PLCH2: variants seen among roughly 807,000 people sequenced by gnomAD.
PLCH2 encodes the protein 1-phosphatidylinositol 4,5-bisphosphate phosphodiesterase eta-2.
A neutral mutation model predicts 134.7 loss-of-function variants in PLCH2; 98 were observed. The observed-to-expected ratio is 0.73, with a 90% CI of 0.62 to 0.86. PLCH2 has a LOEUF of 0.86. Ranked by LOEUF, PLCH2 falls within the 40% of genes least tolerant of loss-of-function variation. PLCH2 has a pLI of 0.00. For synonymous variants in PLCH2, 974 were observed against 827.5 expected, an observed-to-expected ratio of 1.18 and a Z score of -3.04; for missense variants, 1,994 against 1,986.6, an observed-to-expected ratio of 1.00 and a Z score of -0.07.
the PLCH2 span, among the ~76,000 whole-genome samples, chr1:2,418,172 C>T: frequency 1.6e-4 from 25 of 152,192 alleles, no homozygotes; most frequent in African/African-American, 4.3e-4. Context: ...GCAGAGCCCA[C>T]GTTGCTCTGT....
In PLCH2 at chr1:2,496,915, A is replaced by C. The variant is rs765843451; in HGVS notation, c.2021A>C (p.Asn674Thr). ...AAGCCGGCGCAGTACCTACGCTTCA[A>C]CCAGCAGCAGCTCTCCCGCATCTAC... ...QQKPAQYLRF[N>T]QQQLSRIYPS... The change falls in exon 15 of 22, where the codon AAC becomes ACC. Residue 674 changes from asparagine (N) to threonine (T), a missense_variant. This residue lies in a region of PLCH2 where 1,094 missense variants were observed against 1,234.3 expected (regional missense o/e 0.89). Coordinates refer to ENST00000378486, the MANE Select transcript of PLCH2 (RefSeq NM_014638.4). The C allele has an allele frequency of 6.2e-7, 1 of 1,613,222 alleles. No individual in the cohort carries two copies. Among genetic ancestry groups the C allele is most frequent in the Non-Finnish European group, 8.5e-7 (1 of 1,179,864 alleles).
chr1:2,461,428 G>A (rs1640796121), intron 2 of PLCH2, among the ~76,000 whole-genome samples: 1 of 152,186 alleles, frequency 6.6e-6, no homozygotes. Context: ...TGCTAGCAGG[G>A]CGGGCTGAGC....
intron 1 of PLCH2, among the ~76,000 whole-genome samples, chr1:2,477,354 C>A (rs895920344): frequency 1.3e-5 from 2 of 152,156 alleles, no homozygotes; most frequent in African/African-American, 4.8e-5. Context: ...GAGCCCAGCC[C>A]CCCATGCCAT....
rs141895666 is a variant in PLCH2, at chr1:2,492,868, C to T, written c.1659+1533C>T. Among the ~76,000 whole-genome samples, 4 of 152,212 alleles carry T rather than the reference C, an allele frequency of 2.6e-5. No homozygotes were observed. In the East Asian group the frequency reaches 5.8e-4, roughly 22 times the overall value. On this transcript the variant is annotated intron_variant, in intron 11 of 21. Coordinates refer to ENST00000378486, the MANE Select transcript of PLCH2 (RefSeq NM_014638.4). ...CCTCTACTCACGAGTCCCTGAGGCC[C>T]GGGGGCAGCAGGAATGGGTATCTTG... is the stretch of plus-strand genomic sequence containing the variant.
intron 20 of PLCH2, 88 bp downstream of exon 20, chr1:2,499,808 G>A: frequency 5.7e-6 from 6 of 1,053,344 alleles, no homozygotes; most frequent in Non-Finnish European, 8.6e-6. Context: ...CCCAGTGCTG[G>A]GTCCTGAACT....
chr1:2,502,409 G>A lies in PLCH2; in HGVS notation c.2959G>A (p.Asp987Asn), dbSNP rs1049795004. The change falls in exon 21 of 22, where the codon GAC (aspartate) becomes AAC (asparagine). Residue 987 changes from aspartate to asparagine, a missense_variant and splice_region_variant. Coordinates refer to ENST00000378486, the MANE Select transcript of PLCH2 (RefSeq NM_014638.4). ...QEGPGSGSPR[D>N]TRPLSTQRPL... ...GGGGCCCGGCAGCGGCAGCCCCCGA[G>A]GTAAGGCGCCAGCTGCGGTGGCAGA... 30 of 1,544,118 alleles carry A rather than the reference G, an allele frequency of 1.9e-5. No individual in the cohort carries two copies. Among genetic ancestry groups the A allele is most frequent in the Non-Finnish European group, 2.5e-5 (29 of 1,146,086 alleles).
intron 13 of PLCH2, among the ~76,000 whole-genome samples, 166 bp downstream of exon 13, chr1:2,495,736 C>A (rs867646810): frequency 6.6e-6 from 1 of 152,160 alleles, no homozygotes; most frequent in Non-Finnish European, 1.5e-5. Context: ...GTGTGCAGGG[C>A]AGGCTGGTGG....
chr1:2,433,199 C>G (rs1036317724), intron 2 of PLCH2, among the ~76,000 whole-genome samples: 2 of 152,226 alleles, frequency 1.3e-5, no homozygotes, highest in Non-Finnish European at 2.9e-5. Flanking sequence ...TCCCGGCCCC[C>G]GCTGTGTACG....
chr1:2,447,658 C>T (rs1237314824), intron 2 of PLCH2, among the ~76,000 whole-genome samples: 1 of 152,160 alleles, frequency 6.6e-6, no homozygotes, highest in Non-Finnish European at 1.5e-5. Context: ...CTGAAATGTC[C>T]CCAGCTTGAT....
In PLCH2 at chr1:2,489,756, C is replaced by G. The variant is rs746456399; in HGVS notation, c.1408-4C>G. ...CCCCTCCCATCATGCACCTCCTCCC[C>G]CAGGGGAAGAAGCTCCCAGCCAACA... On this transcript the variant is annotated splice_polypyrimidine_tract_variant and splice_region_variant and intron_variant, in intron 9 of 21. Transcript: ENST00000378486. 1 of 1,611,334 alleles carries G rather than the reference C, an allele frequency of 6.2e-7. No homozygotes were observed. The highest frequency in any genetic ancestry group is 1.3e-5 in the African/African-American group (1 of 74,898).
intron 11 of PLCH2, chr1:2,494,464 C>G: frequency 3.1e-6 from 1 of 321,498 alleles, no homozygotes; most frequent in Non-Finnish European, 6.0e-6. Flanking sequence ...AAGGGTTGCG[C>G]AAGCAGGCCT....
chr1:2,498,985 G>C lies in PLCH2; in HGVS notation c.2435-99G>C. The C allele has an allele frequency of 6.9e-7, 1 of 1,454,998 alleles. No homozygotes were observed. Among genetic ancestry groups the C allele is most frequent in the Non-Finnish European group, 9.4e-7 (1 of 1,067,236 alleles). 90.1% of individuals were successfully genotyped at this position (1,454,998 alleles called of 1,614,324 possible). A position where few individuals can be genotyped will look rare whatever the true frequency, so the allele number is the denominator to read the frequency against. On this transcript the variant is annotated intron_variant, in intron 18 of 21. Coordinates refer to ENST00000378486, the MANE Select transcript of PLCH2 (RefSeq NM_014638.4). The surrounding 1 kb of genome is among the most constrained non-coding windows in gnomAD (Gnocchi z 5.4). ...TGGGCAGTCCCGGAAGCAGCACCGG[G>C]AGTGGCACTGGGAGTGGTGTGGGCC...
Position 2,504,556 on chromosome 1 carries a change from C to T in PLCH2, c.3594C>T (p.Thr1198=), listed in dbSNP as rs752216343. 6.2e-7 allele frequency: 1 copy of T among 1,612,714 alleles called. No homozygotes were observed. The highest frequency in any genetic ancestry group is 1.1e-5 in the South Asian group (1 of 91,086). Residue 1198 remains threonine (T), a synonymous_variant, in exon 22 of 22, where the codon ACC becomes ACT. Transcript: ENST00000378486. ...SAARPDLPPV[T]KSKSNPNLRA... The stretch of plus-strand genomic sequence containing the variant: ...CCCGCCCAGACCTGCCACCTGTGAC[C>T]AAGAGCAAATCCAACCCCAACCTTC...
At chr1:2,497,742 GTCAGGTTGGGACGAAGCTCCCAGGATGCT>G in intron 16 of PLCH2, 133 bp downstream of exon 16, 1 of 613,840 alleles carries the variant, frequency 1.6e-6, no homozygotes, top group Non-Finnish European at 2.9e-6. Flanking sequence ...CCCCTGGAGG[GTCAGGTTGGGACGAAGCTCCCAGGATGCT>G]GGGGAGGTGG....
At chr1:2,441,539 A>C (rs1192103000) in intron 2 of PLCH2, among the ~76,000 whole-genome samples, 2 of 151,122 alleles carry the variant, frequency 1.3e-5, no homozygotes, top group Non-Finnish European at 3.0e-5. Context: ...TGCTGAGTCC[A>C]CTCTCACTTT....
chr1:2,431,168 C>T (rs913115398), intron 2 of PLCH2, among the ~76,000 whole-genome samples: 2 of 150,780 alleles, frequency 1.3e-5, no homozygotes, highest in Non-Finnish European at 1.5e-5. Context: ...GTGTGCACAC[C>T]GCTATCTGCC....
rs1197267327 is a variant in PLCH2, at chr1:2,444,045, C to T, written c.115+13416C>T. On this transcript the variant is annotated intron_variant, in intron 2 of 3. Transcript: ENST00000609981. The surrounding 1 kb of genome is among the most constrained non-coding windows in gnomAD (Gnocchi z 4.6). ...GTGGACGCGCGGGGGCGCCGCAGCC[C>T]TGGTGCGGGTCGGGGCTGAGCCGCC... Among the ~76,000 whole-genome samples, 1 of 152,158 alleles carries T rather than the reference C, an allele frequency of 6.6e-6. No individual in the cohort carries two copies. Among genetic ancestry groups the T allele is most frequent in the East Asian group, 1.9e-4 (1 of 5,182 alleles).
At chr1:2,494,354 G>A (rs1642755436) in intron 11 of PLCH2, 1 of 180,922 alleles carries the variant, frequency 5.5e-6, no homozygotes. Flanking sequence ...GGGTTCCCCA[G>A]CTCAGAACCC....
chr1:2,480,238 A>T lies in PLCH2; in HGVS notation c.571A>T (p.Ile191Phe). 6.2e-7 allele frequency: 1 copy of T among 1,612,824 alleles called. No individual in the cohort carries two copies. Among genetic ancestry groups the T allele is most frequent in the South Asian group, 1.1e-5 (1 of 91,082 alleles). The change falls in exon 4 of 22, where the codon ATT becomes TTT. Residue 191 changes from isoleucine to phenylalanine, a missense_variant. Around this residue, in one of 2 missense-constraint regions of PLCH2, gnomAD observed 1,094 missense variants for 1,234.3 expected, o/e 0.89. Coordinates refer to ENST00000378486, the MANE Select transcript of PLCH2 (RefSeq NM_014638.4). ...ADKNGDGSLS[I>F]GEVLQLLHKL... ...CAAGAACGGGGATGGCAGCCTGAGC[A>T]TTGGCGAGGTCCTGCAGCTGCTGCA...
Sources: gnomAD v4.1 joint callset for allele counts (sites outside exome capture counted in the v4.1 genomes callset) on GRCh38, gnomAD v4.1.1 for gene constraint, gnomAD v4.1.1 regional missense constraint, Gnocchi (gnomAD v3.1) non-coding constraint, MANE v1.5 for transcripts, NCBI Gene and HGNC (gene_info 2026-07-23, HGNC 2026-07-21) for gene names.